Variants in SLC13A4 observed in about 807,000 individuals in gnomAD.
SLC13A4 encodes the protein solute carrier family 13 member 4.
In SLC13A4, 28 loss-of-function variants were observed where a neutral mutation model predicts 72.7. That is an observed-to-expected ratio of 0.39 (90% CI 0.29 to 0.53). The LOEUF is 0.53. Ranked by LOEUF, SLC13A4 falls within the 20% of genes least tolerant of loss-of-function variation. The pLI is 0.78. For missense variants in SLC13A4, 653 were observed against 788.0 expected, an observed-to-expected ratio of 0.83 and a Z score of 2.05; for synonymous variants, 312 against 325.5, an observed-to-expected ratio of 0.96 and a Z score of 0.45.
chr7:135,721,609 A>T, intron 1 of SLC13A4, 86 bp from the exon 2 acceptor site: 3 of 1,539,462 alleles, frequency 1.9e-6, no homozygotes, highest in Non-Finnish European at 2.7e-6. Flanking sequence ...CTGAGGCAGC[A>T]GACTCAGACT....
intron 14 of SLC13A4, among the ~76,000 whole-genome samples, 178 bp from the exon 15 acceptor site, chr7:135,684,439 C>T (rs1795576435): frequency 1.3e-5 from 2 of 152,224 alleles, no homozygotes; most frequent in Non-Finnish European, 2.9e-5. Context: ...CCTGAATAGG[C>T]TGATGCTGCT....
chr7:135,719,877 A>G (rs986430838), intron 2 of SLC13A4, among the ~76,000 whole-genome samples: 1 of 149,760 alleles, frequency 6.7e-6, no homozygotes, highest in African/African-American at 2.5e-5. Flanking sequence ...AGATAGATAG[A>G]AAGAGGAAGG....
chr7:135,685,563 G>A lies in SLC13A4; in HGVS notation c.1567C>T (p.Pro523Ser). Residue 523 changes from proline (P) to serine (S), a missense_variant, in exon 14 of 16, where the codon CCA becomes TCA. Physicochemically the swap from Pro to Ser is moderately conservative, Grantham distance 74. Coordinates refer to ENST00000682651, the MANE Select transcript of SLC13A4 (RefSeq NM_001318192.2). ...VSIVTEFVSNPATITIFLPIL... is the reference protein window; with the variant it reads ...VSIVTEFVSNSATITIFLPIL... Reference sequence around the variant, plus strand: ...GGCAGGAAGATGGTGATGGTTGCTGGGTTGCTCACAAACTCAGTGACAATG... The same window carrying A: ...GGCAGGAAGATGGTGATGGTTGCTGAGTTGCTCACAAACTCAGTGACAATG... 6.2e-7 allele frequency: 1 copy of A among 1,614,154 alleles called. No individual in the cohort carries two copies. Among genetic ancestry groups the A allele is most frequent in the South Asian group, 1.1e-5 (1 of 91,076 alleles).
chr7:135,690,342 C>G (rs1008823271), intron 13 of SLC13A4, among the ~76,000 whole-genome samples: 9 of 151,966 alleles, frequency 5.9e-5, no homozygotes, highest in African/African-American at 2.2e-4. Context: ...TCAATCATCC[C>G]CTCACATCCC....
At chr7:135,725,795 CA>C (rs1236067376) in intron 1 of SLC13A4, among the ~76,000 whole-genome samples, 2 of 151,592 alleles carry the variant, frequency 1.3e-5, no homozygotes, top group African/African-American at 2.4e-5. Flanking sequence ...CCCATTTCTA[CA>C]AAAAAAATTT....
chr7:135,687,452 A>G (rs1476230493), intron 13 of SLC13A4, among the ~76,000 whole-genome samples: 1 of 152,238 alleles, frequency 6.6e-6, no homozygotes, highest in African/African-American at 2.4e-5. Context: ...AGCTCATTTC[A>G]TCTCTACAGT....
intron 10 of SLC13A4, chr7:135,693,284 A>AT (rs1239575664): frequency 1.3e-5 from 2 of 152,150 alleles, no homozygotes; most frequent in East Asian, 3.8e-4. Flanking sequence ...TGATAATCCC[A>AT]TTTCCACAGC....
At chr7:135,708,030 C>T (rs561021668) in intron 3 of SLC13A4, 84 bp downstream of exon 3, 4 of 1,523,964 alleles carry the variant, frequency 2.6e-6, no homozygotes, top group Admixed American at 1.8e-5. Flanking sequence ...GTGGACATCC[C>T]GCAGTGACCT....
chr7:135,683,771 C>A (rs1795558756), intron 15 of SLC13A4: 8 of 985,284 alleles, frequency 8.1e-6, no homozygotes, highest in Non-Finnish European at 9.6e-6. Context: ...GTGAATAAAC[C>A]AGTAGCTTTC....
At position 135,694,668 on chromosome 7, in the gene SLC13A4, C is replaced by G. The variant is rs145411524; in HGVS notation, c.1020-430G>C. Among the ~76,000 whole-genome samples, 331 of 152,342 alleles carry G rather than the reference C, an allele frequency of 2.2e-3. 2 individuals are homozygous for G. The highest frequency in any genetic ancestry group is 3.9e-3 in the South Asian group (19 of 4,834). ...TTTTTACTCCAGAGAAGCTTTGTCT[C>G]TAGCCAAACAAACACACAAACATCT... On this transcript the variant is annotated intron_variant, in intron 9 of 15. Transcript: ENST00000682651.
intron 6 of SLC13A4, chr7:135,702,376 A>G (rs1796057824): frequency 6.4e-6 from 1 of 156,990 alleles, no homozygotes; most frequent in African/African-American, 2.4e-5. Flanking sequence ...TTTTATTTTT[A>G]TTTATTTTTA....
At chr7:135,699,688 G>T in intron 7 of SLC13A4, 140 bp from the exon 8 acceptor site, 1 of 646,254 alleles carries the variant, frequency 1.5e-6, no homozygotes, top group Non-Finnish European at 2.5e-6. Flanking sequence ...TCTACCATTT[G>T]TCAACTTGGG....
chr7:135,711,655 C>G (rs1796304184), intron 2 of SLC13A4, among the ~76,000 whole-genome samples: 1 of 152,218 alleles, frequency 6.6e-6, no homozygotes, highest in Non-Finnish European at 1.5e-5. Context: ...CAGCCTGCCA[C>G]ACGGTGAGCC....
chr7:135,702,716 C>G, intron 6 of SLC13A4, 129 bp downstream of exon 6: 3 of 797,354 alleles, frequency 3.8e-6, no homozygotes, highest in South Asian at 1.5e-5. Flanking sequence ...CAATGGAATC[C>G]TCACTGAAAG....
intron 15 of SLC13A4, among the ~76,000 whole-genome samples, chr7:135,682,651 T>TA (rs1206874943): frequency 6.6e-6 from 1 of 152,098 alleles, no homozygotes; most frequent in Non-Finnish European, 1.5e-5. Flanking sequence ...TAAGGAGTGT[T>TA]AGAGTTGAAA....
At chr7:135,691,418 ACTG>A in intron 12 of SLC13A4, 93 bp from the exon 13 acceptor site, 1 of 693,862 alleles carries the variant, frequency 1.4e-6, no homozygotes, top group Non-Finnish European at 2.3e-6. Flanking sequence ...GATTTGGGAT[ACTG>A]CTATTTGGGG....
chr7:135,727,317 GCCCCATGTTCCCCTACCGACCTC>G (rs1257362917), intron 1 of SLC13A4, 58 bp downstream of exon 1: 1 of 1,499,032 alleles, frequency 6.7e-7, no homozygotes, highest in Non-Finnish European at 9.0e-7. Flanking sequence ...CTGCCTGAGC[GCCCCATGTTCCCCTACCGACCTC>G]CCCTCTTTGC....
At position 135,684,174 on chromosome 7, in the gene SLC13A4, G is replaced by T. The variant is rs755534526; in HGVS notation, c.1696C>A (p.Pro566Thr). The T allele has an allele frequency of 6.2e-7, 1 of 1,613,108 alleles. No individual in the cohort carries two copies. Among genetic ancestry groups the T allele is most frequent in the Non-Finnish European group, 8.5e-7 (1 of 1,179,436 alleles). ...TAGCTGAAGACGATGGCATTAGGGGGATTGCCCACAGGCAGCATCACTGCA... is the reference window on the plus strand; with the variant it reads ...TAGCTGAAGACGATGGCATTAGGGGTATTGCCCACAGGCAGCATCACTGCA... The part of the protein sequence containing the change: ...SFAVMLPVGN[P>T]PNAIVFSYGH... Residue 566 changes from proline to threonine, a missense_variant, in exon 15 of 16, where the codon CCC (proline) becomes ACC (threonine). Transcript: ENST00000682651.
chr7:135,706,846 C>T (rs898905772), intron 3 of SLC13A4, among the ~76,000 whole-genome samples: 3 of 152,208 alleles, frequency 2.0e-5, no homozygotes, highest in Non-Finnish European at 4.4e-5. Flanking sequence ...AGAAGTGTCC[C>T]GTGTCACTGT....
Sources: allele counts gnomAD v4.1 joint callset (sites outside exome capture counted in the v4.1 genomes callset), GRCh38; gene constraint gnomAD v4.1.1; transcripts MANE v1.5; gene names NCBI Gene and HGNC (gene_info 2026-07-23, HGNC 2026-07-21).